Variants in TDRD7 observed in about 807,000 individuals in gnomAD.
TDRD7 encodes the protein tudor domain-containing protein 7.
In TDRD7, 47 loss-of-function variants were observed where a neutral mutation model predicts 109.8. That is an observed-to-expected ratio of 0.43 (90% CI 0.34 to 0.55). The LOEUF (loss-of-function observed/expected upper bound fraction) is 0.55. TDRD7 is among the 20% of genes least tolerant of loss of function. The pLI, the probability that TDRD7 is intolerant of heterozygous loss-of-function variation, is 0.03. For synonymous variants in TDRD7, 424 were observed against 457.3 expected (o/e 0.93, Z 0.93); for missense variants, 1,164 against 1,319.2 (o/e 0.88, Z 1.82).
chr9:97,489,809 C>G (rs1339926833), intron 16 of TDRD7, among the ~76,000 whole-genome samples: 1 of 152,048 alleles, frequency 6.6e-6, no homozygotes, highest in African/African-American at 2.4e-5. Context: ...CTTAGGATAT[C>G]AATTATATCT....
chr9:97,446,766 A>AGAT (rs1397671132), intron 6 of TDRD7, among the ~76,000 whole-genome samples: 3 of 152,182 alleles, frequency 2.0e-5, no homozygotes, highest in Admixed American at 1.3e-4. Flanking sequence ...TAATTGTATG[A>AGAT]GATAATAAAG....
intron 12 of TDRD7, 89 bp from the exon 13 acceptor site, chr9:97,478,350 C>G: frequency 7.0e-7 from 1 of 1,429,064 alleles, no homozygotes; most frequent in South Asian, 1.2e-5. Flanking sequence ...TTTTAATATG[C>G]ATTCAGGATT....
chr9:97,464,775 A>G, intron 7 of TDRD7, 67 bp from the exon 8 acceptor site: 3 of 1,585,324 alleles, frequency 1.9e-6, no homozygotes, highest in Non-Finnish European at 2.6e-6. Context: ...AAGGACAAAA[A>G]CGAATTCCTA....
At chr9:97,418,525 T>G (rs922210018) in intron 1 of TDRD7, among the ~76,000 whole-genome samples, 3 of 151,496 alleles carry the variant, frequency 2.0e-5, no homozygotes, top group Non-Finnish European at 4.4e-5. Flanking sequence ...AGACTCTACC[T>G]GAATGCCGCT....
In TDRD7 at chr9:97,483,003, G is replaced by A. The variant is rs768606835; in HGVS notation, c.2567G>A (p.Gly856Glu). The change falls in exon 15 of 17, where the codon GGA becomes GAA. Residue 856 changes from glycine to glutamate, a missense_variant. This residue lies in a region of TDRD7 where 233 missense variants were observed against 218.0 expected (regional missense o/e 1.07). Coordinates refer to ENST00000355295, the MANE Select transcript of TDRD7 (RefSeq NM_014290.3). ...GTGTTTTTGAGTGCCATATCCAGTGGAGCTGACTCTCCCAACAGCAAAAAT... is the reference window on the plus strand; with the variant it reads ...GTGTTTTTGAGTGCCATATCCAGTGAAGCTGACTCTCCCAACAGCAAAAAT... ...KDVFLSAISSGADSPNSKNGN... is the reference protein window; with the variant it reads ...KDVFLSAISSEADSPNSKNGN... The A allele has an allele frequency of 2.5e-6, 4 of 1,614,162 alleles. No homozygotes were observed. The South Asian group carries it at 4.4e-5, about 18-fold the overall frequency.
At chr9:97,471,149 T>C (rs1432575348) in intron 9 of TDRD7, among the ~76,000 whole-genome samples, 1 of 152,172 alleles carries the variant, frequency 6.6e-6, no homozygotes, top group Admixed American at 6.5e-5. Context: ...TCATTGTTCT[T>C]TTCCTTCCTC....
intron 8 of TDRD7, among the ~76,000 whole-genome samples, chr9:97,467,032 T>C (rs1477098668): frequency 6.6e-6 from 1 of 152,220 alleles, no homozygotes; most frequent in Admixed American, 6.5e-5. Flanking sequence ...TGGGCACTAG[T>C]CCTGAGTCTG....
chr9:97,421,967 G>T (rs1453907352), intron 1 of TDRD7, among the ~76,000 whole-genome samples: 2 of 151,966 alleles, frequency 1.3e-5, no homozygotes, highest in East Asian at 1.9e-4. Context: ...TTTCATTTAG[G>T]ACCTAAATTA....
In TDRD7 at chr9:97,472,614, A is replaced by G. The variant is rs374710025; in HGVS notation, c.1944+119A>G. ...GACAGATTACATTTACATTGAGGGG[A>G]AAAAAGGAGGGAGTGGGGCTAGAAG... On this transcript the variant is annotated intron_variant, in intron 10 of 16. Coordinates refer to ENST00000355295, the MANE Select transcript of TDRD7 (RefSeq NM_014290.3). 7.2e-5 allele frequency: 64 copies of G among 888,426 alleles called. No homozygotes were observed. The African/African-American group carries it at 8.9e-4, about 12-fold the overall frequency. 55.0% of individuals were successfully genotyped at this position (888,426 alleles called of 1,614,324 possible). A position where few individuals can be genotyped will look rare whatever the true frequency, so the allele number is the denominator to read the frequency against.
intron 6 of TDRD7, among the ~76,000 whole-genome samples, chr9:97,458,683 T>C (rs1413494942): frequency 6.6e-6 from 1 of 152,178 alleles, no homozygotes; most frequent in Non-Finnish European, 1.5e-5. Context: ...TCCTCAAAAC[T>C]TAAGCATACA....
intron 12 of TDRD7, among the ~76,000 whole-genome samples, chr9:97,476,492 G>T (rs1829021179): frequency 6.8e-6 from 1 of 146,688 alleles, no homozygotes; most frequent in South Asian, 2.1e-4. Flanking sequence ...AAGGCGGGAG[G>T]ATCACTTGAT....
At chr9:97,457,075 A>G (rs1289414531) in intron 6 of TDRD7, among the ~76,000 whole-genome samples, 1 of 152,232 alleles carries the variant, frequency 6.6e-6, no homozygotes, top group Admixed American at 6.5e-5. Flanking sequence ...AAAGCTCAAC[A>G]TCACTGATCA....
At chr9:97,423,158 T>G (rs1426220686) in intron 1 of TDRD7, among the ~76,000 whole-genome samples, 4 of 152,194 alleles carry the variant, frequency 2.6e-5, no homozygotes, top group Non-Finnish European at 4.4e-5. Context: ...GGGCTTCAGG[T>G]TTTCTTTGTG....
At position 97,482,879 on chromosome 9, in the gene TDRD7, G is replaced by A. The variant is rs142092319; in HGVS notation, c.2443G>A (p.Ala815Thr). 4.0e-5 allele frequency: 65 copies of A among 1,614,028 alleles called. No homozygotes were observed. Among genetic ancestry groups the A allele is most frequent in the African/African-American group, 3.3e-4 (25 of 75,028 alleles). ...AAAAGTGGATGAAACCAGAGGGATCGCACATGTTTATTTATTTACCCCTAA... is the reference window on the plus strand; with the variant it reads ...AAAAGTGGATGAAACCAGAGGGATCACACATGTTTATTTATTTACCCCTAA... ...VTKVDETRGIAHVYLFTPKNF... is the reference protein window; with the variant it reads ...VTKVDETRGITHVYLFTPKNF... The change falls in exon 15 of 17, where the codon GCA (alanine) becomes ACA (threonine). Residue 815 changes from alanine (A) to threonine (T), a missense_variant. Ala to Thr is a moderately conservative substitution (Grantham distance 58). Coordinates refer to ENST00000355295, the MANE Select transcript of TDRD7 (RefSeq NM_014290.3).
intron 9 of TDRD7, 58 bp downstream of exon 9, chr9:97,470,727 T>G: frequency 1.5e-6 from 2 of 1,313,024 alleles, no homozygotes; most frequent in Non-Finnish European, 2.2e-6. Context: ...CCACTGTACA[T>G]TTGGATAGTT....
At chr9:97,413,527 G>C (rs1157252458) in intron 1 of TDRD7, among the ~76,000 whole-genome samples, 1 of 152,160 alleles carries the variant, frequency 6.6e-6, no homozygotes, top group Non-Finnish European at 1.5e-5. Context: ...TACATAATTG[G>C]ATTTTAGTTT....
chr9:97,479,483 C>T (rs1275412513), intron 13 of TDRD7, among the ~76,000 whole-genome samples: 1 of 152,186 alleles, frequency 6.6e-6, no homozygotes, highest in Non-Finnish European at 1.5e-5. Context: ...GGGAATCTGT[C>T]CCACCGCTGT....
intron 9 of TDRD7, among the ~76,000 whole-genome samples, chr9:97,470,909 TA>T (rs1455911066): frequency 6.6e-6 from 1 of 152,362 alleles, no homozygotes; most frequent in African/African-American, 2.4e-5. Context: ...TCAGCCATCT[TA>T]AAGGGATTTT....
At chr9:97,487,031 A>C in intron 15 of TDRD7, 141 bp from the exon 16 acceptor site, 2 of 968,146 alleles carry the variant, frequency 2.1e-6, no homozygotes, top group South Asian at 3.1e-5. Flanking sequence ...TGCTTTTAAA[A>C]CTTTTTTGAA....
Sources: gnomAD v4.1 joint callset for allele counts (sites outside exome capture counted in the v4.1 genomes callset) on GRCh38, gnomAD v4.1.1 for gene constraint, gnomAD v4.1.1 regional missense constraint, MANE v1.5 for transcripts, NCBI Gene and HGNC (gene_info 2026-07-23, HGNC 2026-07-21) for gene names.